FANCI: variants seen among roughly 807,000 people sequenced by gnomAD.
The protein encoded by FANCI is FA complementation group I.
In FANCI, 156 loss-of-function variants were observed where a neutral mutation model predicts 176.1. The ratio of observed to expected loss-of-function variants is 0.89; its 90% confidence interval spans 0.78 to 1.01. The LOEUF (loss-of-function observed/expected upper bound fraction) is 1.01, where lower values mean the gene tolerates loss of function less well. FANCI is among the 50% of genes least tolerant of loss of function. The probability of loss-of-function intolerance (pLI) is 0.00; values close to 1 mark genes in which losing one functional copy is unlikely to be tolerated. For missense variants in FANCI, 1,678 were observed against 1,534.1 expected, an observed-to-expected ratio of 1.09 and a Z score of -1.57; for synonymous variants, 613 against 541.7, an observed-to-expected ratio of 1.13 and a Z score of -1.83.
chr15:89,316,698 T>C lies in FANCI; in HGVS notation c.*239T>C. On this transcript the variant is annotated 3_prime_UTR_variant, in exon 38 of 38. Coordinates refer to ENST00000310775, the MANE Select transcript of FANCI (RefSeq NM_001113378.2). The stretch of plus-strand genomic sequence containing the variant: ...AGCTGAAAGCCTGAGTTTGGGAGCC[T>C]GCACCACCCCGATGAAGCTCCACGG... 1 of 1,440,364 alleles carries C rather than the reference T, an allele frequency of 6.9e-7. No homozygotes were observed. The highest frequency in any genetic ancestry group is 9.7e-7 in the Non-Finnish European group (1 of 1,028,320). The allele number at this position is 1,440,364 out of a possible 1,614,324, so 89.2% of individuals were successfully genotyped here. A position where few individuals can be genotyped will look rare whatever the true frequency, so the allele number is the denominator to read the frequency against.
chr15:89,292,864 G>C lies in FANCI; in HGVS notation c.2169G>C (p.Leu723=). Residue 723 remains leucine (L), a splice_region_variant and synonymous_variant, in exon 21 of 38, where the codon CTG becomes CTC. Transcript: ENST00000310775. The part of the protein sequence containing the change: ...MIKSELEDFE[L]DKSADFSQST... Reference sequence around the variant, plus strand: ...AGAGTGAGCTGGAAGACTTTGAACTGGTAATTGCTAAGTCCTCAGCTGTAT... The same window carrying C: ...AGAGTGAGCTGGAAGACTTTGAACTCGTAATTGCTAAGTCCTCAGCTGTAT... The C allele has an allele frequency of 1.9e-6, 3 of 1,614,014 alleles. No homozygotes were observed. Among genetic ancestry groups the C allele is most frequent in the Non-Finnish European group, 2.5e-6 (3 of 1,179,970 alleles).
chr15:89,245,095 A>G (rs554091232), intron 1 of FANCI: 1 of 152,184 alleles, frequency 6.6e-6, no homozygotes, highest in Non-Finnish European at 1.5e-5. Context: ...GACAGTATGT[A>G]AGAGAGTTTA....
chr15:89,286,384 G>C (rs1180859106), intron 18 of FANCI, among the ~76,000 whole-genome samples: 1 of 152,150 alleles, frequency 6.6e-6, no homozygotes, highest in African/African-American at 2.4e-5. Context: ...TAGTTATTAT[G>C]ACAGTACAGC....
At chr15:89,269,982 C>T (rs1188897012) in intron 10 of FANCI, among the ~76,000 whole-genome samples, 4 of 152,020 alleles carry the variant, frequency 2.6e-5, no homozygotes, top group Middle Eastern at 3.2e-3. Context: ...GGCTAATTTT[C>T]GTATTTTTAA....
In FANCI at chr15:89,316,387, C is replaced by G. The variant is rs1308242761; in HGVS notation, c.3925-10C>G. 2.5e-6 allele frequency: 4 copies of G among 1,607,566 alleles called. No homozygotes were observed. The African/African-American group carries it at 5.4e-5, about 22-fold the overall frequency. ...TATCACGTTAGAGCATTAATTCTTTCCCCTTCTAGGGCACTGCATCAGAGC... is the reference window on the plus strand; with the variant it reads ...TATCACGTTAGAGCATTAATTCTTTGCCCTTCTAGGGCACTGCATCAGAGC... On this transcript the variant is annotated splice_polypyrimidine_tract_variant and intron_variant, in intron 37 of 37. Coordinates refer to ENST00000310775, the MANE Select transcript of FANCI (RefSeq NM_001113378.2).
At chr15:89,297,483 G>A (rs1278427063) in intron 24 of FANCI, among the ~76,000 whole-genome samples, 17 of 152,198 alleles carry the variant, frequency 1.1e-4, no homozygotes, top group Non-Finnish European at 1.9e-4. Context: ...TGAGCACTGA[G>A]TGAACGAGAC....
At chr15:89,252,244 G>C (rs1002439853) in intron 2 of FANCI, among the ~76,000 whole-genome samples, 1 of 151,204 alleles carries the variant, frequency 6.6e-6, no homozygotes, top group Admixed American at 6.6e-5. Context: ...AGGTTGCAGT[G>C]AGCCCAGATT....
At chr15:89,252,750 C>G (rs1386316837) in intron 2 of FANCI, among the ~76,000 whole-genome samples, 1 of 152,074 alleles carries the variant, frequency 6.6e-6, no homozygotes, top group African/African-American at 2.4e-5. Flanking sequence ...AAAGTTAAAA[C>G]AGGAATAAAC....
rs75200946 is a variant in FANCI, at chr15:89,294,305, C to G, written c.2456+308C>G. Among the ~76,000 whole-genome samples the G allele has an allele frequency of 1.3e-3, 200 of 151,818 alleles. 7 individuals carry two copies. In the East Asian group the frequency reaches 0.033, roughly 25 times the overall value. ...AACAGATATAAAAAGGTAGGGGGTGCCAGGCATGGTGCCTCACTCCTGTAA... is the reference window on the plus strand; with the variant it reads ...AACAGATATAAAAAGGTAGGGGGTGGCAGGCATGGTGCCTCACTCCTGTAA... On this transcript the variant is annotated intron_variant, in intron 23 of 37. Coordinates refer to ENST00000310775, the MANE Select transcript of FANCI (RefSeq NM_001113378.2).
In FANCI at chr15:89,316,899, G is replaced by T. The variant is rs1801377; in HGVS notation, c.*440G>T. 4.9e-3 allele frequency: 5,344 copies of T among 1,087,382 alleles called. 44 individuals carry two copies. The highest frequency in any genetic ancestry group is 0.017 in the South Asian group (1,356 of 80,332). 67.4% of individuals were successfully genotyped at this position (1,087,382 alleles called of 1,614,324 possible). ...ACTGAGAGCTCAGAAGTGAGCAAAG[G>T]AGCTTAATGCTAAGGTCAAAAGGAG... On this transcript the variant is annotated 3_prime_UTR_variant, in exon 38 of 38. Coordinates refer to ENST00000310775, the MANE Select transcript of FANCI (RefSeq NM_001113378.2).
intron 2 of FANCI, among the ~76,000 whole-genome samples, chr15:89,253,791 G>A (rs557707095): frequency 2.2e-5 from 3 of 139,198 alleles, no homozygotes; most frequent in African/African-American, 7.9e-5. Context: ...ACTTGTGGGG[G>A]GGGGGGGGAA....
rs557343054 is a variant in FANCI, at chr15:89,309,011, C to T, written c.3651+1339C>T. Among the ~76,000 whole-genome samples the T allele has an allele frequency of 6.0e-4, 90 of 151,096 alleles. 1 individual carries two copies. The highest frequency in any genetic ancestry group is 1.0e-3 in the Non-Finnish European group (68 of 67,956). On this transcript the variant is annotated intron_variant, in intron 34 of 37. Coordinates refer to ENST00000310775, the MANE Select transcript of FANCI (RefSeq NM_001113378.2). Reference sequence around the variant, plus strand: ...TCATCTGGGTTTAGCTGAAGGAGTTCTTAGTAATGGGCTGATAGTTGAGAC... The same window carrying T: ...TCATCTGGGTTTAGCTGAAGGAGTTTTTAGTAATGGGCTGATAGTTGAGAC...
chr15:89,277,431 C>T (rs757597746), intron 13 of FANCI, among the ~76,000 whole-genome samples: 5 of 151,986 alleles, frequency 3.3e-5, no homozygotes, highest in African/African-American at 4.8e-5. Context: ...GCCTGGGCAA[C>T]GTGGCGAAAC....
rs935951434 is a variant in FANCI at position 89,263,529 on chromosome 15, A to G, written c.545+69A>G. On this transcript the variant is annotated intron_variant, in intron 7 of 37. Coordinates refer to ENST00000310775, the MANE Select transcript of FANCI (RefSeq NM_001113378.2). ...GAACTTACTTGCTAGAAATTAAACT[A>G]TAGCAAACGTAAACATCACTCTCTC... The G allele has an allele frequency of 5.5e-6, 7 of 1,280,162 alleles. No homozygotes were observed. The African/African-American group carries it at 1.0e-4, about 19-fold the overall frequency. The allele number at this position is 1,280,162 out of a possible 1,614,324, so 79.3% of individuals were successfully genotyped here.
rs773039171 is a variant in FANCI at position 89,268,415 on chromosome 15, A to G, written c.772A>G (p.Thr258Ala). The G allele has an allele frequency of 4.9e-5, 79 of 1,614,092 alleles. No individual in the cohort carries two copies. Among genetic ancestry groups the G allele is most frequent in the Non-Finnish European group, 6.4e-5 (75 of 1,180,046 alleles). The change falls in exon 10 of 38, where the codon ACT becomes GCT. Residue 258 changes from threonine to alanine, a missense_variant. Physicochemically the swap from Thr to Ala is moderately conservative, Grantham distance 58. Transcript: ENST00000310775. ...QSGDELLDVVTVPSGELRHVE... is the reference protein window; with the variant it reads ...QSGDELLDVVAVPSGELRHVE... ...ATCTTTTAGGCTATTGGATGTTGTC[A>G]CTGTGCCATCAGGTGAACTTCGTCA... is the stretch of plus-strand genomic sequence containing the variant.
chr15:89,263,460 A>G lies in FANCI; in HGVS notation c.545A>G (p.Lys182Arg). 6.2e-7 allele frequency: 1 copy of G among 1,611,814 alleles called. No homozygotes were observed. The highest frequency in any genetic ancestry group is 8.5e-7 in the Non-Finnish European group (1 of 1,178,036). The part of the protein sequence containing the change: ...QYVIQLTSMF[K>R]DVPLTAEEVE... ...GTAATCCAACTCACCTCCATGTTCA[A>G]GTAAGCATCATCTTTTCCCTTTTCT... The change falls in exon 7 of 38, where the codon AAG becomes AGG. Residue 182 changes from lysine (K) to arginine (R), a missense_variant and splice_region_variant. Lys to Arg is a conservative substitution (Grantham distance 26, BLOSUM62 2). Coordinates refer to ENST00000310775, the MANE Select transcript of FANCI (RefSeq NM_001113378.2).
chr15:89,310,506 A>T (rs147334231), intron 34 of FANCI, among the ~76,000 whole-genome samples: 2 of 152,300 alleles, frequency 1.3e-5, no homozygotes, highest in Non-Finnish European at 2.9e-5. Flanking sequence ...TTTCCTCCCT[A>T]GGCATTTTCC....
At chr15:89,245,411 A>T (rs1335491928) in intron 1 of FANCI, 5 of 125,360 alleles carry the variant, frequency 4.0e-5, no homozygotes, top group African/African-American at 1.6e-4. Flanking sequence ...CTTGGCCAGG[A>T]AGGTCTGGAT....
chr15:89,252,431 A>T (rs1310175093), intron 2 of FANCI, among the ~76,000 whole-genome samples: 2 of 152,166 alleles, frequency 1.3e-5, no homozygotes, highest in African/African-American at 4.8e-5. Flanking sequence ...TATAAAATTA[A>T]TATGCAAAAA....
Sources: allele counts gnomAD v4.1 joint callset (sites outside exome capture counted in the v4.1 genomes callset), GRCh38; gene constraint gnomAD v4.1.1; transcripts MANE v1.5; gene names NCBI Gene and HGNC (gene_info 2026-07-23, HGNC 2026-07-21).